Variants in IL15 observed in about 807,000 individuals in gnomAD.
IL15 encodes the protein interleukin-15.
Under a neutral mutation model 19.6 loss-of-function variants are expected in IL15, and 11 were observed. The observed-to-expected ratio is 0.56, with a 90% CI of 0.35 to 0.93. IL15 has a LOEUF of 0.93. Ranked by LOEUF, IL15 falls within the 40% of genes least tolerant of loss-of-function variation. The probability of loss-of-function intolerance (pLI) is 0.01; values close to 1 mark genes in which losing one functional copy is unlikely to be tolerated. For synonymous variants in IL15, 58 were observed against 59.6 expected (o/e 0.97, Z 0.12); for missense variants, 197 against 186.5 (o/e 1.06, Z -0.33).
intron 2 of IL15, among the ~76,000 whole-genome samples, chr4:141,695,572 C>T (rs1253621762): frequency 6.6e-6 from 1 of 151,872 alleles, no homozygotes; most frequent in Non-Finnish European, 1.5e-5. Flanking sequence ...ATATTTATTT[C>T]ATTTTCTTTG....
chr4:141,663,041 G>A lies in IL15; in HGVS notation c.-100+6734G>A, dbSNP rs189327804. On this transcript the variant is annotated intron_variant, in intron 2 of 7. Transcript: ENST00000320650. ...CATTAAAAAAGTAATCATTAAAAAA[G>A]TAACTCATTAAAAAAATAATATCAT... Among the ~76,000 whole-genome samples, 186 of 151,748 alleles carry A rather than the reference G, an allele frequency of 1.2e-3. 1 individual carries two copies. The highest frequency in any genetic ancestry group is 4.3e-3 in the African/African-American group (177 of 41,394).
chr4:141,711,146 A>G (rs1729705296), intron 2 of IL15, among the ~76,000 whole-genome samples: 1 of 152,176 alleles, frequency 6.6e-6, no homozygotes, highest in East Asian at 1.9e-4. Context: ...AAACAAGTGT[A>G]TATTTTATTA....
chr4:141,704,972 G>GT (rs568620605), intron 2 of IL15, among the ~76,000 whole-genome samples: 5 of 150,834 alleles, frequency 3.3e-5, no homozygotes, highest in African/African-American at 4.9e-5. Context: ...TCTCTCACTT[G>GT]TTTTTTACCA....
At chr4:141,661,073 T>C (rs1157621361) in intron 2 of IL15, among the ~76,000 whole-genome samples, 1 of 151,952 alleles carries the variant, frequency 6.6e-6, no homozygotes, top group African/African-American at 2.4e-5. Flanking sequence ...ATTATGAGAA[T>C]GGCATTGAAG....
intron 2 of IL15, among the ~76,000 whole-genome samples, chr4:141,670,893 G>A (rs1425985646): frequency 6.6e-6 from 1 of 152,136 alleles, no homozygotes; most frequent in Non-Finnish European, 1.5e-5. Flanking sequence ...ACTAATTCAA[G>A]TGAAAAATAG....
Position 141,722,016 on chromosome 4 carries a change from C to A in IL15, c.195+8C>A. ...ATTGAAGATCTTATTCAAGTGAGTA[C>A]TCATTTTTCCATAAAATGCCTGGTA... On this transcript the variant is annotated splice_region_variant and intron_variant, in intron 5 of 7. Transcript: ENST00000320650. 1 of 1,568,272 alleles carries A rather than the reference C, an allele frequency of 6.4e-7. No homozygotes were observed. The highest frequency in any genetic ancestry group is 8.7e-7 in the Non-Finnish European group (1 of 1,147,296).
At chr4:141,722,858 TA>T (rs1196140076) in intron 5 of IL15, among the ~76,000 whole-genome samples, 1 of 152,110 alleles carries the variant, frequency 6.6e-6, no homozygotes, top group Non-Finnish European at 1.5e-5. Flanking sequence ...AGAAATTATA[TA>T]ACTGAAAATA....
chr4:141,673,268 A>G (rs1369720817), intron 2 of IL15, among the ~76,000 whole-genome samples: 1 of 152,232 alleles, frequency 6.6e-6, no homozygotes, highest in Non-Finnish European at 1.5e-5. Flanking sequence ...TTGAAATAGA[A>G]AAAACATACA....
intron 1 of IL15, among the ~76,000 whole-genome samples, chr4:141,652,776 G>A (rs920669005): frequency 1.3e-5 from 2 of 152,136 alleles, no homozygotes; most frequent in African/African-American, 4.8e-5. Flanking sequence ...AAGATTAGCT[G>A]TTCCTAGATT....
intron 1 of IL15, among the ~76,000 whole-genome samples, chr4:141,648,484 T>G (rs1343583118): frequency 1.3e-5 from 2 of 152,168 alleles, no homozygotes; most frequent in East Asian, 3.9e-4. Context: ...AGAAGTTATT[T>G]CAGTAGGACA....
At position 141,719,496 on chromosome 4, in the gene IL15, A is replaced by G; in HGVS notation, c.12+20A>G. The G allele has an allele frequency of 3.9e-6, 5 of 1,272,974 alleles. No homozygotes were observed. The highest frequency in any genetic ancestry group is 5.7e-6 in the Non-Finnish European group (5 of 875,580). The allele number at this position is 1,272,974 out of a possible 1,614,324, so 78.9% of individuals were successfully genotyped here. A position where few individuals can be genotyped will look rare whatever the true frequency, so the allele number is the denominator to read the frequency against. ...ATTTCGGTAAGAAAAAAAATAGATGAAAATATCCTATGGAATTTCCCTTAA... is the reference window on the plus strand; with the variant it reads ...ATTTCGGTAAGAAAAAAAATAGATGGAAATATCCTATGGAATTTCCCTTAA... On this transcript the variant is annotated intron_variant, in intron 3 of 7. Coordinates refer to ENST00000320650, the MANE Select transcript of IL15 (RefSeq NM_000585.5).
At chr4:141,701,227 T>G (rs527641270) in intron 2 of IL15, among the ~76,000 whole-genome samples, 1 of 152,170 alleles carries the variant, frequency 6.6e-6, no homozygotes, top group Admixed American at 6.5e-5. Context: ...TAGTTCCTTC[T>G]CATTTGGGTA....
intron 2 of IL15, among the ~76,000 whole-genome samples, chr4:141,684,903 T>C (rs959767601): frequency 2.6e-5 from 4 of 152,184 alleles, no homozygotes; most frequent in Admixed American, 2.6e-4. Flanking sequence ...TGTAGTTTAA[T>C]ATTTATTGTA....
At chr4:141,667,915 T>C (rs1477883864) in intron 2 of IL15, among the ~76,000 whole-genome samples, 1 of 152,166 alleles carries the variant, frequency 6.6e-6, no homozygotes, top group Non-Finnish European at 1.5e-5. Flanking sequence ...ATTTAATTCT[T>C]TCTCTTATTT....
intron 2 of IL15, among the ~76,000 whole-genome samples, chr4:141,668,934 T>C (rs1728081385): frequency 6.6e-6 from 1 of 152,218 alleles, no homozygotes; most frequent in Non-Finnish European, 1.5e-5. Flanking sequence ...GCCTAGTTTC[T>C]TGTTCTGGGC....
chr4:141,694,059 G>T (rs529839196), intron 2 of IL15, among the ~76,000 whole-genome samples: 1 of 152,312 alleles, frequency 6.6e-6, no homozygotes, highest in Admixed American at 6.5e-5. Context: ...AAAAAGGCAA[G>T]TATTTACTGC....
chr4:141,694,230 A>C (rs1249570607), intron 2 of IL15, among the ~76,000 whole-genome samples: 1 of 152,222 alleles, frequency 6.6e-6, no homozygotes, highest in Non-Finnish European at 1.5e-5. Flanking sequence ...CCACACGTGA[A>C]CGTGGAGAGT....
intron 2 of IL15, chr4:141,715,726 TGAATGGATGATGCATTTAAC>T (rs1560934377): frequency 6.6e-6 from 1 of 152,220 alleles, no homozygotes; most frequent in African/African-American, 2.4e-5. Context: ...GTGGTTTGAA[TGAATGGATGATGCATTTAAC>T]CCAGAAAACC....
chr4:141,700,295 T>G (rs1002163620), intron 2 of IL15, among the ~76,000 whole-genome samples: 2 of 152,170 alleles, frequency 1.3e-5, no homozygotes, highest in Non-Finnish European at 2.9e-5. Context: ...TCTTTTAGGA[T>G]TTCTTGTAGT....
Sources: gnomAD v4.1 joint callset for allele counts (sites outside exome capture counted in the v4.1 genomes callset) on GRCh38, gnomAD v4.1.1 for gene constraint, MANE v1.5 for transcripts, NCBI Gene and HGNC (gene_info 2026-07-23, HGNC 2026-07-21) for gene names.